Variants in AAK1 observed in about 807,000 individuals in gnomAD.
AAK1 encodes AP2 associated kinase 1, also known as AP2-associated protein kinase 1.
AAK1 carries 37 observed loss-of-function variants against 116.0 expected under a neutral mutation model. The observed-to-expected ratio is 0.32, with a 90% confidence interval of 0.25 to 0.42. The LOEUF (loss-of-function observed/expected upper bound fraction) is 0.42, where lower values mean the gene tolerates loss of function less well. Ranked by LOEUF, AAK1 falls within the 10% of genes least tolerant of loss-of-function variation. The pLI is 1.00. For synonymous variants in AAK1, 458 were observed against 439.9 expected (o/e 1.04, Z -0.51); for missense variants, 919 against 1,170.6 (o/e 0.79, Z 3.14).
chr2:69,568,740 A>G (rs572396767), intron 2 of AAK1, among the ~76,000 whole-genome samples: 1 of 152,294 alleles, frequency 6.6e-6, no homozygotes, highest in South Asian at 2.1e-4. Flanking sequence ...TATGTTCTGA[A>G]AGATGGGCTC....
At chr2:69,587,044 A>C (rs1489556222) in intron 2 of AAK1, among the ~76,000 whole-genome samples, 1 of 151,492 alleles carries the variant, frequency 6.6e-6, no homozygotes, top group Non-Finnish European at 1.5e-5. Flanking sequence ...AGCAGCTTTC[A>C]TTTTCTAAAG....
intron 2 of AAK1, among the ~76,000 whole-genome samples, chr2:69,569,672 G>A (rs185341389): frequency 7.4e-4 from 113 of 152,068 alleles, no homozygotes; most frequent in African/African-American, 2.6e-3. Context: ...ATAGGCAACC[G>A]CTGTTCTGAT....
At chr2:69,520,461 C>T (rs1367577062) in intron 11 of AAK1, among the ~76,000 whole-genome samples, 1 of 150,852 alleles carries the variant, frequency 6.6e-6, no homozygotes, top group South Asian at 2.1e-4. Context: ...CAGGTTCAAG[C>T]GATTCTCCTG....
intron 9 of AAK1, among the ~76,000 whole-genome samples, chr2:69,525,789 G>T (rs1669997039): frequency 2.0e-5 from 3 of 152,204 alleles, no homozygotes; most frequent in Admixed American, 2.0e-4. Context: ...CATAAGACTT[G>T]TGAGGTGTAC....
intron 17 of AAK1, among the ~76,000 whole-genome samples, chr2:69,494,849 T>A (rs1675675834): frequency 6.6e-6 from 1 of 152,100 alleles, no homozygotes; most frequent in South Asian, 2.1e-4. Context: ...AGGCAAGTGT[T>A]TGCTTCTCCT....
At chr2:69,641,351 G>A (rs551576065) in intron 2 of AAK1, among the ~76,000 whole-genome samples, 2 of 152,222 alleles carry the variant, frequency 1.3e-5, no homozygotes, top group East Asian at 3.9e-4. Flanking sequence ...GCAGTTAAGG[G>A]CTTTGGCACA....
intron 21 of AAK1, among the ~76,000 whole-genome samples, chr2:69,476,448 T>C (rs895037486): frequency 5.3e-5 from 8 of 152,336 alleles, no homozygotes; most frequent in African/African-American, 1.9e-4. Flanking sequence ...TCACATGATT[T>C]TCCTCCATCA....
intron 10 of AAK1, among the ~76,000 whole-genome samples, chr2:69,523,762 C>A (rs959524822): frequency 3.3e-5 from 5 of 152,198 alleles, no homozygotes; most frequent in Admixed American, 6.5e-5. Flanking sequence ...TGCCATGCTT[C>A]CCATAGGTTG....
chr2:69,622,774 G>C (rs934613541), intron 2 of AAK1, among the ~76,000 whole-genome samples: 2 of 152,124 alleles, frequency 1.3e-5, no homozygotes, highest in African/African-American at 2.4e-5. Flanking sequence ...TCAGCACCCT[G>C]TGTCTAGCTC....
Position 69,466,645 on chromosome 2 carries a change from C to A in AAK1, c.*9224G>T. Reference sequence around the variant, plus strand: ...AACCCGCGGCAAAAACATTGTGGGACCAAATAATAGATGTTGAAAATGCAA... The same window carrying A: ...AACCCGCGGCAAAAACATTGTGGGAACAAATAATAGATGTTGAAAATGCAA... On this transcript the variant is annotated 3_prime_UTR_variant, in exon 22 of 22. Coordinates refer to ENST00000409085, the MANE Select transcript of AAK1 (RefSeq NM_014911.5). 8.3e-6 allele frequency: 9 copies of A among 1,082,238 alleles called. No homozygotes were observed. Among genetic ancestry groups the A allele is most frequent in the South Asian group, 5.0e-5 (2 of 39,682 alleles). The allele number at this position is 1,082,238 out of a possible 1,614,324, so 67.0% of individuals were successfully genotyped here.
In AAK1 at chr2:69,486,910, C is replaced by T. The variant is rs111999637; in HGVS notation, c.2366-4098G>A. On this transcript the variant is annotated intron_variant, in intron 17 of 21. Coordinates refer to ENST00000409085, the MANE Select transcript of AAK1 (RefSeq NM_014911.5). ...CACATAGACATGGTCCCAGGGACAA[C>T]GGTAATGTTATCAGACAGGTTAGCA... Among the ~76,000 whole-genome samples, 1,102 of 152,114 alleles carry T rather than the reference C, an allele frequency of 7.2e-3. 16 individuals carry two copies. Among genetic ancestry groups the T allele is most frequent in the African/African-American group, 0.025 (1,039 of 41,506 alleles).
intron 2 of AAK1, among the ~76,000 whole-genome samples, chr2:69,619,371 A>AT (rs1203853864): frequency 2.0e-5 from 3 of 152,058 alleles, no homozygotes; most frequent in South Asian, 4.1e-4. Context: ...AAACTTATCT[A>AT]TATCCATACA....
intron 9 of AAK1, among the ~76,000 whole-genome samples, 176 bp from the exon 10 acceptor site, chr2:69,525,288 A>G (rs1047111808): frequency 6.6e-6 from 1 of 152,240 alleles, no homozygotes. Flanking sequence ...AACCAAATGC[A>G]TATCAGACTC....
At chr2:69,488,181 T>G (rs1394432140) in intron 17 of AAK1, among the ~76,000 whole-genome samples, 15 of 151,534 alleles carry the variant, frequency 9.9e-5, no homozygotes, top group Non-Finnish European at 4.4e-5. Flanking sequence ...TGTGTGTGTT[T>G]GAGGGAGGGG....
chr2:69,569,938 G>A (rs943487864), intron 2 of AAK1, among the ~76,000 whole-genome samples: 14 of 152,094 alleles, frequency 9.2e-5, no homozygotes, highest in Non-Finnish European at 2.1e-4. Flanking sequence ...GAGCACTGTT[G>A]TACAAGTCTT....
intron 2 of AAK1, chr2:69,594,774 A>G: frequency 9.9e-7 from 1 of 1,014,548 alleles, no homozygotes. Context: ...TTCTCTTCTT[A>G]CCTCCTCCCA....
At chr2:69,504,964 T>C (rs1393428311) in intron 16 of AAK1, among the ~76,000 whole-genome samples, 1 of 152,200 alleles carries the variant, frequency 6.6e-6, no homozygotes, top group Non-Finnish European at 1.5e-5. Flanking sequence ...TTTTATATAA[T>C]CAAAATGTAT....
Position 69,603,930 on chromosome 2 carries a change from T to A in AAK1, c.163+38948A>T, listed in dbSNP as rs114786115. ...ATGCACTGATGCTGTTTTCTATCTGTGGCTGAAAAATGAGGTATTTTCCGA... is the reference window on the plus strand; with the variant it reads ...ATGCACTGATGCTGTTTTCTATCTGAGGCTGAAAAATGAGGTATTTTCCGA... On this transcript the variant is annotated intron_variant, in intron 2 of 21. Coordinates refer to ENST00000409085, the MANE Select transcript of AAK1 (RefSeq NM_014911.5). Among the ~76,000 whole-genome samples, 248 of 152,310 alleles carry A rather than the reference T, an allele frequency of 1.6e-3. 2 individuals are homozygous for A. The highest frequency in any genetic ancestry group is 5.8e-3 in the African/African-American group (240 of 41,548).
intron 2 of AAK1, among the ~76,000 whole-genome samples, chr2:69,638,538 G>C (rs940883019): frequency 1.3e-5 from 2 of 152,184 alleles, no homozygotes; most frequent in African/African-American, 4.8e-5. Flanking sequence ...CACCTCCAGG[G>C]AGCAACTTAA....
Sources: allele counts gnomAD v4.1 joint callset (sites outside exome capture counted in the v4.1 genomes callset), GRCh38; gene constraint gnomAD v4.1.1; transcripts MANE v1.5; gene names NCBI Gene and HGNC (gene_info 2026-07-23, HGNC 2026-07-21).